Variants in UACA observed in about 807,000 individuals in gnomAD.
The protein encoded by UACA is nuclear membrane binding protein.
UACA carries 112 observed loss-of-function variants against 160.5 expected under a neutral mutation model. The ratio of observed to expected loss-of-function variants is 0.70; its 90% CI spans 0.60 to 0.82. UACA has a LOEUF of 0.82. UACA is among the 40% of genes least tolerant of loss of function. The pLI, the probability that UACA is intolerant of heterozygous loss-of-function variation, is 0.00. For missense variants in UACA, 1,574 were observed against 1,614.6 expected, an observed-to-expected ratio of 0.97 and a Z score of 0.43; for synonymous variants, 557 against 568.4, an observed-to-expected ratio of 0.98 and a Z score of 0.29.
chr15:70,735,142 T>G (rs1595915400), intron 1 of UACA, among the ~76,000 whole-genome samples: 1 of 1,388 alleles, frequency 7.2e-4, no homozygotes, highest in Non-Finnish European at 2.3e-3. Flanking sequence ...AAACTTAGAG[T>G]ATAATAAAAA....
In UACA at chr15:70,666,788, G is replaced by A. The variant is rs758185068; in HGVS notation, c.3896C>T (p.Thr1299Ile). Residue 1299 changes from threonine to isoleucine, a missense_variant, in exon 16 of 19, where the codon ACA becomes ATA. By Grantham distance (89) the Thr-to-Ile change is moderately conservative. Transcript: ENST00000322954. ...TATTCTTCTTTGTAACTCTGTGATT[G>A]TTGTTAAGGACTTATCACATCGTTC... The part of the protein sequence containing the change: ...QKERCDKSLT[T>I]ITELQRRIQE... 45 of 1,610,942 alleles carry A rather than the reference G, an allele frequency of 2.8e-5. No homozygotes were observed. The highest frequency in any genetic ancestry group is 3.6e-5 in the Non-Finnish European group (42 of 1,179,226).
At chr15:70,690,538 A>G (rs1897897539) in intron 4 of UACA, 27 bp from the exon 5 acceptor site, 3 of 1,576,380 alleles carry the variant, frequency 1.9e-6, no homozygotes, top group Non-Finnish European at 2.6e-6. Flanking sequence ...AACTTAGTAA[A>G]GTAGGAGAGT....
intron 1 of UACA, among the ~76,000 whole-genome samples, chr15:70,760,947 G>A (rs2030716233): frequency 6.6e-6 from 1 of 152,138 alleles, no homozygotes; most frequent in African/African-American, 2.4e-5. Flanking sequence ...CATGATGCAT[G>A]AAAGGAAACT....
At chr15:70,658,874 T>G (rs1896576755) in intron 18 of UACA, among the ~76,000 whole-genome samples, 3 of 152,240 alleles carry the variant, frequency 2.0e-5, no homozygotes, top group Non-Finnish European at 2.9e-5. Context: ...AACTTTATGA[T>G]GCCAGAAGGC....
At chr15:70,768,801 T>C in the UACA span, among the ~76,000 whole-genome samples, 470 of 152,276 alleles carry the variant, frequency 3.1e-3, 2 homozygotes, top group African/African-American at 0.01. Flanking sequence ...GATAGAAAAG[T>C]TCCTTGATTT....
intron 18 of UACA, 102 bp from the exon 19 acceptor site, chr15:70,657,229 A>G (rs1896504817): frequency 1.1e-6 from 1 of 871,122 alleles, no homozygotes; most frequent in Non-Finnish European, 1.9e-6. Context: ...TCATTGATTC[A>G]TCAAATGCTA....
intron 1 of UACA, among the ~76,000 whole-genome samples, chr15:70,715,083 A>G (rs896709487): frequency 3.9e-5 from 6 of 152,330 alleles, no homozygotes; most frequent in African/African-American, 1.4e-4. Flanking sequence ...ATTTGGAAAA[A>G]AATAAATTTT....
At chr15:70,770,187 A>T in the UACA span, among the ~76,000 whole-genome samples, 1 of 152,190 alleles carries the variant, frequency 6.6e-6, no homozygotes, top group Non-Finnish European at 1.5e-5. Context: ...CTTCTTCAAA[A>T]CTACTTGAAT....
At chr15:70,744,212 G>T (rs1414182033) in intron 1 of UACA, among the ~76,000 whole-genome samples, 1 of 139,600 alleles carries the variant, frequency 7.2e-6, no homozygotes, top group Non-Finnish European at 1.5e-5. Flanking sequence ...TTACGCCACT[G>T]CATTCCAGCC....
intron 1 of UACA, chr15:70,702,330 G>A (rs1272222383): frequency 5.6e-5 from 55 of 990,864 alleles, no homozygotes; most frequent in Middle Eastern, 5.1e-4. Context: ...CATCCGAATT[G>A]TCCGGTAAAC....
chr15:70,695,760 A>T (rs1898105958), intron 2 of UACA, among the ~76,000 whole-genome samples: 3 of 150,968 alleles, frequency 2.0e-5, no homozygotes, highest in Non-Finnish European at 3.0e-5. Context: ...TTTCCTAATA[A>T]GGCAAGTTAA....
In UACA at chr15:70,687,780, G is replaced by A; in HGVS notation, c.465C>T (p.Asp155=). Residue 155 remains aspartate (D), a synonymous_variant, in exon 6 of 19, where the codon GAC becomes GAT. Transcript: ENST00000322954. The part of the protein sequence containing the change: ...DCPSSIQLLC[D]HGASVNAKDV... Reference sequence around the variant, plus strand: ...CTTTGGCATTCACAGAGGCCCCATGGTCACAAAGCAGCTGTATGCTAGAAG... The same window carrying A: ...CTTTGGCATTCACAGAGGCCCCATGATCACAAAGCAGCTGTATGCTAGAAG... 6.2e-7 allele frequency: 1 copy of A among 1,613,810 alleles called. No homozygotes were observed.
upstream of UACA, among the ~76,000 whole-genome samples, chr15:70,765,610 T>C (rs919199580): frequency 6.6e-6 from 1 of 152,242 alleles, no homozygotes; most frequent in East Asian, 1.9e-4. Flanking sequence ...GACATATATT[T>C]GAATTCCCTA....
chr15:70,762,926 G>A (rs1239326930), intron 1 of UACA, among the ~76,000 whole-genome samples: 1 of 152,196 alleles, frequency 6.6e-6, no homozygotes, highest in Non-Finnish European at 1.5e-5. Flanking sequence ...CCGGGGACTG[G>A]GGAGCCAACA....
At chr15:70,681,369 ATTAAAAAAAAAAAGT>A in intron 9 of UACA, among the ~76,000 whole-genome samples, 1 of 152,132 alleles carries the variant, frequency 6.6e-6, no homozygotes, top group South Asian at 2.1e-4. Flanking sequence ...GTGCCTTAGT[ATTAAAAAAAAAAAGT>A]CCTATTTACA....
Position 70,667,023 on chromosome 15 carries a change from T to A in UACA, c.3661A>T (p.Arg1221Ter). Residue 1221 changes from arginine (R) to a stop codon, truncating the protein, a stop_gained, in exon 16 of 19, where the codon AGA (arginine) becomes TGA (stop). Coordinates refer to ENST00000322954, the MANE Select transcript of UACA (RefSeq NM_018003.4). LOFTEE classifies it high-confidence loss of function. Reference sequence around the variant, plus strand: ...TATTTAGACAAGTCAACTACCTCTCTAGTCTCTAATTTTTTTAATGCTTGT... The same window carrying A: ...TATTTAGACAAGTCAACTACCTCTCAAGTCTCTAATTTTTTTAATGCTTGT... ...TKQALKKLET[R>*]EVVDLSKYKA... is the part of the protein sequence containing the mutation. The A allele has an allele frequency of 6.2e-7, 1 of 1,613,548 alleles. No individual in the cohort carries two copies. The highest frequency in any genetic ancestry group is 8.5e-7 in the Non-Finnish European group (1 of 1,179,922).
the UACA span, among the ~76,000 whole-genome samples, chr15:70,772,783 G>A: frequency 1.3e-5 from 2 of 152,080 alleles, no homozygotes; most frequent in African/African-American, 4.8e-5. Flanking sequence ...TGTGGGTACT[G>A]CAACATTTAG....
At chr15:70,775,217 G>A in the UACA span, among the ~76,000 whole-genome samples, 1 of 152,116 alleles carries the variant, frequency 6.6e-6, no homozygotes, top group Admixed American at 6.6e-5. Context: ...TTTATAGGTG[G>A]GAATTGGGGG....
Position 70,729,673 on chromosome 15 carries a change from C to T in UACA, c.79-30013G>A, listed in dbSNP as rs1209002166. The stretch of plus-strand genomic sequence containing the variant: ...GCTGTGGAGGGAGGAGCCAAGATGG[C>T]CGAATAGGAACAGCTCCGGTCTACA... On this transcript the variant is annotated intron_variant, in intron 1 of 18. Coordinates refer to ENST00000322954, the MANE Select transcript of UACA (RefSeq NM_018003.4). 2.1e-5 allele frequency among the ~76,000 whole-genome samples: 3 copies of T among 142,112 alleles called. 1 individual carries two copies. Among genetic ancestry groups the T allele is most frequent in the East Asian group, 2.0e-4 (1 of 5,084 alleles). 93.2% of individuals were successfully genotyped at this position (142,112 alleles called of 152,430 possible). A position where few individuals can be genotyped will look rare whatever the true frequency, so the allele number is the denominator to read the frequency against.
Sources: allele counts gnomAD v4.1 joint callset (sites outside exome capture counted in the v4.1 genomes callset), GRCh38; gene constraint gnomAD v4.1.1; transcripts MANE v1.5; gene names NCBI Gene and HGNC (gene_info 2026-07-23, HGNC 2026-07-21).